Variants in C9orf85 observed in about 807,000 individuals in gnomAD.
C9orf85 encodes chromosome 9 open reading frame 85, also known as uncharacterized protein C9orf85.
A neutral mutation model predicts 14.9 loss-of-function variants in C9orf85; 16 were observed. The ratio of observed to expected loss-of-function variants is 1.08; its 90% CI spans 0.73 to 1.63. The LOEUF is 1.63. Among genes scored for constraint, C9orf85 ranks in the 40% most tolerant of loss-of-function variants. The probability of loss-of-function intolerance (pLI) is 0.00; values close to 1 mark genes in which losing one functional copy is unlikely to be tolerated. For missense variants in C9orf85, 172 were observed against 186.1 expected (o/e 0.92, Z 0.44); for synonymous variants, 45 against 56.8 (o/e 0.79, Z 0.93).
At chr9:71,954,132 C>T (rs902022822) in intron 2 of C9orf85, among the ~76,000 whole-genome samples, 8 of 127,874 alleles carry the variant, frequency 6.3e-5, no homozygotes, top group Non-Finnish European at 1.0e-4. Flanking sequence ...AAAAAAAAAG[C>T]GTATTTTACA....
chr9:71,962,663 G>A (rs949122538), intron 2 of C9orf85, among the ~76,000 whole-genome samples: 1 of 152,206 alleles, frequency 6.6e-6, no homozygotes, highest in Non-Finnish European at 1.5e-5. Flanking sequence ...TCTATTTTAT[G>A]TCAGTCCCAA....
chr9:71,943,716 C>T (rs1822006238), intron 1 of C9orf85, among the ~76,000 whole-genome samples: 2 of 151,104 alleles, frequency 1.3e-5, no homozygotes, highest in African/African-American at 2.4e-5. Context: ...TAATTTTGTA[C>T]TTTTAGTAGA....
rs945357066 is a variant in C9orf85, at chr9:71,911,900, A to G, written c.102+64A>G. 5 of 1,399,962 alleles carry G rather than the reference A, an allele frequency of 3.6e-6. No individual in the cohort carries two copies. In the Admixed American group the frequency reaches 5.0e-5, roughly 14 times the overall value. 86.7% of individuals were successfully genotyped at this position (1,399,962 alleles called of 1,614,324 possible). A position where few individuals can be genotyped will look rare whatever the true frequency, so the allele number is the denominator to read the frequency against. Reference sequence around the variant, plus strand: ...AGGAATGGCTCACTGGAGAGGGGAGAGAGGAAATGAGAGGAGTCGGCTGGG... The same window carrying G: ...AGGAATGGCTCACTGGAGAGGGGAGGGAGGAAATGAGAGGAGTCGGCTGGG... On this transcript the variant is annotated intron_variant, in intron 1 of 3. Transcript: ENST00000334731.
At chr9:71,977,551 T>A (rs1823027797), downstream of C9orf85, among the ~76,000 whole-genome samples, 1 of 152,242 alleles carries the variant, frequency 6.6e-6, no homozygotes, top group African/African-American at 2.4e-5. Flanking sequence ...TAATGTAAAA[T>A]TAAAACTGAT....
intron 3 of C9orf85, among the ~76,000 whole-genome samples, chr9:71,981,713 T>C (rs1312596973): frequency 6.6e-6 from 1 of 152,230 alleles, no homozygotes; most frequent in African/African-American, 2.4e-5. Context: ...CCTCAATTTA[T>C]GCTTAAGGTT....
At chr9:71,933,094 G>T (rs1224475912) in intron 1 of C9orf85, among the ~76,000 whole-genome samples, 1 of 152,074 alleles carries the variant, frequency 6.6e-6, no homozygotes, top group East Asian at 1.9e-4. Flanking sequence ...GAAAAGATTG[G>T]GAAAAAGTGA....
At chr9:71,960,904 T>C (rs1822498112) in intron 2 of C9orf85, among the ~76,000 whole-genome samples, 1 of 151,342 alleles carries the variant, frequency 6.6e-6, no homozygotes, top group African/African-American at 2.4e-5. Flanking sequence ...CGTTTTTCAG[T>C]TCCAAATTGT....
intron 2 of C9orf85, among the ~76,000 whole-genome samples, chr9:71,964,943 GTCAGGAGCGGCAATGGGCACCTGGTAAGA>G (rs1822649221): frequency 6.6e-6 from 1 of 152,218 alleles, no homozygotes; most frequent in Admixed American, 6.5e-5. Flanking sequence ...CTTTAGTCCA[GTCAGGAGCGGCAATGGGCACCTGGTAAGA>G]TCAGGAGCAC....
chr9:71,952,367 A>G (rs1169170220), intron 2 of C9orf85, among the ~76,000 whole-genome samples: 1 of 151,328 alleles, frequency 6.6e-6, no homozygotes, highest in Non-Finnish European at 1.5e-5. Context: ...TTATTTATTT[A>G]TTCATTCTAT....
chr9:71,933,257 C>T (rs1487534312), intron 1 of C9orf85, among the ~76,000 whole-genome samples: 1 of 152,108 alleles, frequency 6.6e-6, no homozygotes, highest in Non-Finnish European at 1.5e-5. Flanking sequence ...TGTAAACATC[C>T]AAGAAGCTCA....
chr9:71,927,026 T>C (rs1827946141), intron 1 of C9orf85, among the ~76,000 whole-genome samples: 1 of 152,082 alleles, frequency 6.6e-6, no homozygotes, highest in African/African-American at 2.4e-5. Flanking sequence ...AGACATATCA[T>C]GGTGAGGTTG....
intron 2 of C9orf85, among the ~76,000 whole-genome samples, chr9:71,963,857 C>G (rs1028460326): frequency 1.3e-5 from 2 of 152,204 alleles, no homozygotes; most frequent in Non-Finnish European, 2.9e-5. Flanking sequence ...TGAGCCTCCC[C>G]TACCAGCGCC....
chr9:71,943,018 A>T (rs1821980307), intron 1 of C9orf85, among the ~76,000 whole-genome samples: 1 of 152,184 alleles, frequency 6.6e-6, no homozygotes. Flanking sequence ...AGCCAAATTT[A>T]GAATAAGGGA....
chr9:71,962,443 T>C (rs1246131111), intron 2 of C9orf85, among the ~76,000 whole-genome samples: 1 of 152,224 alleles, frequency 6.6e-6, no homozygotes, highest in Non-Finnish European at 1.5e-5. Flanking sequence ...AATAGGACTT[T>C]ATGAAACTTC....
chr9:71,944,646 CAGA>C (rs1205669649), intron 1 of C9orf85, among the ~76,000 whole-genome samples: 1 of 152,088 alleles, frequency 6.6e-6, no homozygotes, highest in Non-Finnish European at 1.5e-5. Context: ...TCCCCCCAGG[CAGA>C]AGGATTCCTA....
At chr9:71,934,877 A>T (rs1237527346) in intron 1 of C9orf85, among the ~76,000 whole-genome samples, 3 of 152,108 alleles carry the variant, frequency 2.0e-5, no homozygotes, top group African/African-American at 7.2e-5. Context: ...CTCAGAAAAA[A>T]ATATATATAT....
At chr9:71,942,397 T>G (rs528286485) in intron 1 of C9orf85, among the ~76,000 whole-genome samples, 4 of 152,304 alleles carry the variant, frequency 2.6e-5, no homozygotes, top group African/African-American at 9.6e-5. Flanking sequence ...TACTGGGTGC[T>G]AGAAAGCTCA....
At chr9:71,914,972 C>T (rs969944800) in intron 1 of C9orf85, among the ~76,000 whole-genome samples, 1 of 152,068 alleles carries the variant, frequency 6.6e-6, no homozygotes, top group African/African-American at 2.4e-5. Flanking sequence ...GCCTTCTTTC[C>T]CTTACTGGAA....
rs77505933 is a variant in C9orf85 at position 71,928,264 on chromosome 9, T to C, written c.102+16428T>C. ...GCACGAGCTGTCAATTAGCCCTGTA[T>C]CTATATGCCTCCTTCTCAATGCAAA... On this transcript the variant is annotated intron_variant, in intron 1 of 3. Transcript: ENST00000334731. Among the ~76,000 whole-genome samples the C allele has an allele frequency of 2.6e-3, 396 of 151,324 alleles. 1 individual carries two copies. Among genetic ancestry groups the C allele is most frequent in the African/African-American group, 8.5e-3 (351 of 41,156 alleles).
Sources: allele counts gnomAD v4.1 joint callset (sites outside exome capture counted in the v4.1 genomes callset), GRCh38; gene constraint gnomAD v4.1.1; transcripts MANE v1.5; gene names NCBI Gene and HGNC (gene_info 2026-07-23, HGNC 2026-07-21).